The following SPPL3 variants were observed in gnomAD, a reference collection of about 807,000 sequenced individuals.
The protein encoded by SPPL3 is signal peptide peptidase like 3, also known as signal peptide peptidase-like 3.
Under a neutral mutation model 42.4 loss-of-function variants are expected in SPPL3, and 5 were observed. The ratio of observed to expected loss-of-function variants is 0.12; its 90% CI spans 0.06 to 0.25. The LOEUF (loss-of-function observed/expected upper bound fraction) is 0.25. Among genes scored for constraint, SPPL3 ranks in the 10% least tolerant of loss-of-function variants. SPPL3 has a pLI of 1.00. For synonymous variants in SPPL3, 195 were observed against 181.8 expected, an observed-to-expected ratio of 1.07 and a Z score of -0.58; for missense variants, 235 against 489.0, an observed-to-expected ratio of 0.48 and a Z score of 4.90.
chr12:120,765,197 T>A, intron 10 of SPPL3, 127 bp from the exon 11 acceptor site: 2 of 775,792 alleles, frequency 2.6e-6, no homozygotes, highest in Non-Finnish European at 2.0e-6. Flanking sequence ...CAGGCTGGTC[T>A]CAAACTCCTG....
At chr12:120,766,874 G>A (rs1277603379) in intron 9 of SPPL3, among the ~76,000 whole-genome samples, 1 of 152,208 alleles carries the variant, frequency 6.6e-6, no homozygotes, top group African/African-American at 2.4e-5. Flanking sequence ...TGGGGTTGAG[G>A]AGGACGTACG....
chr12:120,854,001 C>T (rs1012192569), intron 1 of SPPL3, among the ~76,000 whole-genome samples: 5 of 150,344 alleles, frequency 3.3e-5, no homozygotes, highest in African/African-American at 9.8e-5. Flanking sequence ...CACACACACA[C>T]ACACACACAC....
chr12:120,895,903 G>A (rs1873786730), intron 1 of SPPL3, among the ~76,000 whole-genome samples: 1 of 152,182 alleles, frequency 6.6e-6, no homozygotes, highest in African/African-American at 2.4e-5. Context: ...AGAATGAGGT[G>A]CTCATATCTC....
chr12:120,889,189 C>T (rs770738636), intron 1 of SPPL3, among the ~76,000 whole-genome samples: 5 of 152,114 alleles, frequency 3.3e-5, no homozygotes, highest in Admixed American at 6.6e-5. Context: ...CAGAAAGGGA[C>T]TTCTATGAAA....
chr12:120,865,806 G>C (rs1047970238), intron 1 of SPPL3, among the ~76,000 whole-genome samples: 10 of 152,218 alleles, frequency 6.6e-5, no homozygotes, highest in African/African-American at 2.4e-4. Context: ...TGGCCTGTTA[G>C]AAACTGGGCC....
rs618482 is a variant in SPPL3 at position 120,762,806 on chromosome 12, C to T, written c.*2193G>A. On this transcript the variant is annotated 3_prime_UTR_variant, in exon 11 of 11. Transcript: ENST00000353487. ...ACGGGGTTTCACCATGTTGGCCAGGCTGGTCTCGAGCTCCCAACCTTGTGA... is the reference window on the plus strand; with the variant it reads ...ACGGGGTTTCACCATGTTGGCCAGGTTGGTCTCGAGCTCCCAACCTTGTGA... The T allele has an allele frequency of 0.51, 77,473 of 151,902 alleles. 19,932 individuals are homozygous for T. The highest frequency in any genetic ancestry group is 0.61 in the Middle Eastern group (178 of 294). The allele number at this position is 151,902 out of a possible 1,614,324, so 9.4% of individuals were successfully genotyped here.
chr12:120,868,942 TACC>T (rs1448745700), intron 1 of SPPL3, among the ~76,000 whole-genome samples: 4 of 152,242 alleles, frequency 2.6e-5, no homozygotes, highest in Non-Finnish European at 4.4e-5. Flanking sequence ...CTCCCAAGTT[TACC>T]ACACCTAACA....
intron 1 of SPPL3, among the ~76,000 whole-genome samples, chr12:120,888,171 G>A (rs913206734): frequency 1.3e-5 from 2 of 152,112 alleles, no homozygotes; most frequent in Non-Finnish European, 2.9e-5. Context: ...TGCCTCTTGC[G>A]TTCAAGTGAT....
At chr12:120,867,023 T>A (rs610694) in intron 1 of SPPL3, among the ~76,000 whole-genome samples, 2 of 152,002 alleles carry the variant, frequency 1.3e-5, no homozygotes, top group African/African-American at 2.4e-5. Context: ...GAGTCAGTCA[T>A]AGGTAACCTC....
At chr12:120,844,480 T>C (rs935950657) in intron 1 of SPPL3, among the ~76,000 whole-genome samples, 7 of 152,174 alleles carry the variant, frequency 4.6e-5, no homozygotes, top group African/African-American at 1.7e-4. Flanking sequence ...CCCAAGCTCC[T>C]GTCTACCTAT....
At chr12:120,851,373 A>G (rs1872217559) in intron 1 of SPPL3, among the ~76,000 whole-genome samples, 1 of 151,518 alleles carries the variant, frequency 6.6e-6, no homozygotes, top group African/African-American at 2.4e-5. Flanking sequence ...GCAATCTACC[A>G]AAAAAAGTAG....
chr12:120,771,010 C>G (rs1320251172), intron 6 of SPPL3, among the ~76,000 whole-genome samples: 2 of 150,930 alleles, frequency 1.3e-5, no homozygotes, highest in African/African-American at 5.0e-5. Context: ...TTTGACCCGT[C>G]TCTCTTTTAC....
intron 1 of SPPL3, among the ~76,000 whole-genome samples, chr12:120,864,475 C>T (rs1200513118): frequency 6.6e-6 from 1 of 152,110 alleles, no homozygotes; most frequent in African/African-American, 2.4e-5. Context: ...TCGGAGGCTG[C>T]AGCGAGCCGA....
chr12:120,871,130 CAAAAAAAA>C (rs71453512), intron 1 of SPPL3, among the ~76,000 whole-genome samples: 3 of 51,712 alleles, frequency 5.8e-5, no homozygotes, highest in East Asian at 1.0e-3. Context: ...ACTCCGTCTC[CAAAAAAAA>C]AAAAAAAAAA....
At chr12:120,828,802 G>A (rs2137015219) in intron 1 of SPPL3, among the ~76,000 whole-genome samples, 1 of 152,314 alleles carries the variant, frequency 6.6e-6, no homozygotes, top group Non-Finnish European at 1.5e-5. Flanking sequence ...TGTTGCCTAG[G>A]CTGGGGTGCA....
At position 120,847,620 on chromosome 12, in the gene SPPL3, C is replaced by T. The variant is rs471690; in HGVS notation, c.24-36734G>A. Among the ~76,000 whole-genome samples, 257 of 151,638 alleles carry T rather than the reference C, an allele frequency of 1.7e-3. 1 individual carries two copies. Among genetic ancestry groups the T allele is most frequent in the Non-Finnish European group, 2.8e-3 (193 of 67,908 alleles). ...TATTTTTTATTTTTTTAAGTAGAGG[C>T]AGGTCTCACTCTCTTGCCCAGGACG... On this transcript the variant is annotated intron_variant, in intron 1 of 10. Transcript: ENST00000353487.
At chr12:120,858,418 T>C (rs1408159919) in intron 1 of SPPL3, among the ~76,000 whole-genome samples, 1 of 150,172 alleles carries the variant, frequency 6.7e-6, no homozygotes, top group African/African-American at 2.4e-5. Context: ...ATCGCAACAT[T>C]GCACTCCAGC....
chr12:120,832,936 T>C (rs1007314150), intron 1 of SPPL3, among the ~76,000 whole-genome samples: 1 of 152,146 alleles, frequency 6.6e-6, no homozygotes, highest in African/African-American at 2.4e-5. Context: ...ATCAGCACTA[T>C]GGGGATCTGG....
At chr12:120,889,655 A>T (rs553945994) in intron 1 of SPPL3, among the ~76,000 whole-genome samples, 1 of 152,334 alleles carries the variant, frequency 6.6e-6, no homozygotes, top group Admixed American at 6.5e-5. Context: ...CTGTAGATTC[A>T]TAAGTATATT....
Sources: allele counts gnomAD v4.1 joint callset (sites outside exome capture counted in the v4.1 genomes callset), GRCh38; gene constraint gnomAD v4.1.1; transcripts MANE v1.5; gene names NCBI Gene and HGNC (gene_info 2026-07-23, HGNC 2026-07-21).